Variants in GALNT13 observed in about 807,000 individuals in gnomAD.
GALNT13 encodes polypeptide N-acetylgalactosaminyltransferase 13.
In GALNT13, 28 loss-of-function variants were observed where a neutral mutation model predicts 64.2. That is an observed-to-expected ratio of 0.44 (90% CI 0.32 to 0.60). The LOEUF (loss-of-function observed/expected upper bound fraction) is 0.60. GALNT13 is among the 20% of genes least tolerant of loss of function. GALNT13 has a pLI of 0.05. For synonymous variants in GALNT13, 214 were observed against 224.6 expected (o/e 0.95, Z 0.42); for missense variants, 577 against 669.8 (o/e 0.86, Z 1.53).
the GALNT13 span, among the ~76,000 whole-genome samples, chr2:153,571,026 G>A: frequency 6.6e-6 from 1 of 151,274 alleles, no homozygotes; most frequent in African/African-American, 2.4e-5. Flanking sequence ...GAATTGCATT[G>A]AATTTGTAGA....
At chr2:153,372,545 C>G in the GALNT13 span, among the ~76,000 whole-genome samples, 3 of 151,902 alleles carry the variant, frequency 2.0e-5, no homozygotes, top group Non-Finnish European at 2.9e-5. Flanking sequence ...ACTCGGAAGG[C>G]TGAGGCAGGA....
At chr2:153,831,705 C>G in the GALNT13 span, among the ~76,000 whole-genome samples, 1 of 152,138 alleles carries the variant, frequency 6.6e-6, no homozygotes, top group Non-Finnish European at 1.5e-5. Flanking sequence ...TTGGTGCTAT[C>G]TCTGTGTTTC....
chr2:153,828,323 C>A, the GALNT13 span, among the ~76,000 whole-genome samples: 2 of 152,318 alleles, frequency 1.3e-5, no homozygotes, highest in Middle Eastern at 3.4e-3. Context: ...TCCATGAGAG[C>A]CCCACCCCTG....
intron 11 of GALNT13, 147 bp from the exon 12 acceptor site, chr2:154,438,445 G>A (rs1324725277): frequency 1.8e-6 from 1 of 552,480 alleles, no homozygotes; most frequent in African/African-American, 1.9e-5. Context: ...AAGACTCAAA[G>A]AGATGAATTA....
At chr2:153,988,162 A>T (rs1346897881) in intron 3 of GALNT13, among the ~76,000 whole-genome samples, 1 of 151,710 alleles carries the variant, frequency 6.6e-6, no homozygotes, top group Non-Finnish European at 1.5e-5. Context: ...TTTACCTATC[A>T]TGTTTTATGG....
chr2:154,417,509 A>ATTTTTTTTTTTTTTTT (rs1202687837), intron 11 of GALNT13, among the ~76,000 whole-genome samples: 3 of 133,402 alleles, frequency 2.2e-5, no homozygotes, highest in Admixed American at 7.7e-5. Flanking sequence ...TTATTTATTT[A>ATTTTTTTTTTTTTTTT]TTTATTTATT....
chr2:154,259,886 T>G (rs1373155938), intron 8 of GALNT13, among the ~76,000 whole-genome samples: 1 of 152,086 alleles, frequency 6.6e-6, no homozygotes, highest in Non-Finnish European at 1.5e-5. Context: ...TTGTTATTGT[T>G]GTTGTTGTTT....
At chr2:153,586,920 C>G in the GALNT13 span, among the ~76,000 whole-genome samples, 1 of 152,080 alleles carries the variant, frequency 6.6e-6, no homozygotes, top group Admixed American at 6.6e-5. Context: ...TAACCTGCTC[C>G]TGAATGATCA....
At chr2:154,065,150 G>C (rs948672200) in intron 3 of GALNT13, among the ~76,000 whole-genome samples, 1 of 152,162 alleles carries the variant, frequency 6.6e-6, no homozygotes, top group Non-Finnish European at 1.5e-5. Context: ...TTTGCTTGTT[G>C]AAAGGACAGG....
chr2:154,004,744 T>A (rs1406210350), intron 3 of GALNT13, among the ~76,000 whole-genome samples: 1 of 152,174 alleles, frequency 6.6e-6, no homozygotes, highest in Non-Finnish European at 1.5e-5. Flanking sequence ...GTATTAAACT[T>A]TTCTATTGGT....
At chr2:154,271,433 G>T (rs1304869661) in intron 8 of GALNT13, among the ~76,000 whole-genome samples, 2 of 151,896 alleles carry the variant, frequency 1.3e-5, no homozygotes, top group Non-Finnish European at 1.5e-5. Context: ...ACAAATCCTA[G>T]AGTTATGAGA....
chr2:153,814,784 G>A, the GALNT13 span, among the ~76,000 whole-genome samples: 1 of 152,180 alleles, frequency 6.6e-6, no homozygotes, highest in Non-Finnish European at 1.5e-5. Context: ...CTTATAAACC[G>A]TAATCCTGAT....
At chr2:153,746,202 A>T in the GALNT13 span, among the ~76,000 whole-genome samples, 1 of 152,164 alleles carries the variant, frequency 6.6e-6, no homozygotes, top group Non-Finnish European at 1.5e-5. Flanking sequence ...CAAAACCTGA[A>T]CACACCTACA....
the GALNT13 span, among the ~76,000 whole-genome samples, chr2:153,852,575 G>T: frequency 2.0e-5 from 3 of 152,130 alleles, no homozygotes; most frequent in Non-Finnish European, 4.4e-5. Context: ...TTTCAATAAT[G>T]CTCTCTCAAT....
intron 3 of GALNT13, among the ~76,000 whole-genome samples, chr2:154,085,876 C>A (rs1482704336): frequency 6.6e-6 from 1 of 151,732 alleles, no homozygotes; most frequent in Admixed American, 6.6e-5. Context: ...CCTTCTTGGA[C>A]AACAGAGTGG....
the GALNT13 span, among the ~76,000 whole-genome samples, chr2:153,817,314 A>G: frequency 1.3e-5 from 2 of 152,200 alleles, no homozygotes; most frequent in African/African-American, 2.4e-5. Flanking sequence ...TGAACCTTCT[A>G]GGCCTATCTG....
In GALNT13 at chr2:153,884,797, ATATATATATGTGTGTGTGTGTG is replaced by A. The variant is rs1687032599; in HGVS notation, c.-177+12518_-177+12539del. ...TATATATATATATATGTGTGTGTAT[ATATATATATGTGTGTGTGTGTG>A]TATATATATGTGTGTGTGTGTGTGT... On this transcript the variant is annotated intron_variant, in intron 1 of 12. Coordinates refer to ENST00000392825, the MANE Select transcript of GALNT13 (RefSeq NM_052917.4). 1.4e-4 allele frequency among the ~76,000 whole-genome samples: 10 copies of A among 71,998 alleles called. No individual in the cohort carries two copies. The South Asian group carries it at 5.3e-3, about 38-fold the overall frequency. 47.2% of individuals were successfully genotyped at this position (71,998 alleles called of 152,430 possible).
At chr2:153,669,519 ATAAAT>A in the GALNT13 span, among the ~76,000 whole-genome samples, 3 of 152,220 alleles carry the variant, frequency 2.0e-5, no homozygotes, top group Non-Finnish European at 4.4e-5. Flanking sequence ...GTTAAGATAA[ATAAAT>A]TAAATTAAAT....
intron 4 of GALNT13, among the ~76,000 whole-genome samples, chr2:154,212,402 C>G (rs771869781): frequency 1.2e-4 from 18 of 151,956 alleles, no homozygotes; most frequent in Admixed American, 1.1e-3. Flanking sequence ...CGCCACCACG[C>G]CCGGCTAACT....
Sources: allele counts gnomAD v4.1 joint callset (sites outside exome capture counted in the v4.1 genomes callset), GRCh38; gene constraint gnomAD v4.1.1; transcripts MANE v1.5; gene names NCBI Gene and HGNC (gene_info 2026-07-23, HGNC 2026-07-21).